Variants in FN3KRP observed in about 807,000 individuals in gnomAD.
FN3KRP encodes the protein fructosamine 3 kinase related protein.
Under a neutral mutation model 29.8 loss-of-function variants are expected in FN3KRP, and 33 were observed. That is an observed-to-expected ratio of 1.11 (90% CI 0.84 to 1.48). FN3KRP has a LOEUF of 1.48. FN3KRP is among the 40% of genes most tolerant of loss of function. The pLI, the probability that FN3KRP is intolerant of heterozygous loss-of-function variation, is 0.00. For synonymous variants in FN3KRP, 157 were observed against 155.2 expected (o/e 1.01, Z -0.09); for missense variants, 430 against 402.6 (o/e 1.07, Z -0.58).
In FN3KRP at chr17:82,722,814, T is replaced by C; in HGVS notation, c.396T>C (p.Gly132=). The C allele has an allele frequency of 6.2e-7, 1 of 1,613,732 alleles. No individual in the cohort carries two copies. The highest frequency in any genetic ancestry group is 8.5e-7 in the Non-Finnish European group (1 of 1,179,932). Residue 132 remains glycine, a synonymous_variant, in exon 4 of 6, where the codon GGT becomes GGC. Coordinates refer to ENST00000269373, the MANE Select transcript of FN3KRP (RefSeq NM_024619.4). ...ACTTTTGCTTGCAAGGGAGAGGAGG[T>C]GGGCAGGAGGAACGGCCCTTTGTGG... is the stretch of plus-strand genomic sequence containing the variant. ...LKEAGTVGRG[G]GQEERPFVAR...
At chr17:82,720,059 G>A (rs1469262247) in intron 2 of FN3KRP, among the ~76,000 whole-genome samples, 3 of 152,080 alleles carry the variant, frequency 2.0e-5, no homozygotes, top group East Asian at 1.9e-4. Context: ...CCAGCTACTC[G>A]GGAGGCTGAG....
Position 82,716,778 on chromosome 17 carries a change from A to G in FN3KRP, c.23A>G (p.Glu8Gly), listed in dbSNP as rs748958920. The G allele has an allele frequency of 5.2e-5, 80 of 1,533,100 alleles. No individual in the cohort carries two copies. The Middle Eastern group carries it at 7.2e-4, about 14-fold the overall frequency. 95.0% of individuals were successfully genotyped at this position (1,533,100 alleles called of 1,614,324 possible). A position where few individuals can be genotyped will look rare whatever the true frequency, so the allele number is the denominator to read the frequency against. MEELLRR[E>G]LGCSSVRATG... ...AACATGGAGGAGCTCCTGAGGCGCG[A>G]GCTGGGCTGCAGCTCTGTCAGGGCC... is the stretch of plus-strand genomic sequence containing the variant. The change falls in exon 1 of 6, where the codon GAG (glutamate) becomes GGG (glycine). Residue 8 changes from glutamate (E) to glycine (G), a missense_variant. Physicochemically the swap from Glu to Gly is moderately conservative, Grantham distance 98 (BLOSUM62 -2). Coordinates refer to ENST00000269373, the MANE Select transcript of FN3KRP (RefSeq NM_024619.4).
In FN3KRP at chr17:82,716,779, GCTGGGCTGCAGCTCTGTCAGGGCCAC is replaced by G; in HGVS notation, c.25_50del (p.Leu9GlyfsTer36). 1 of 1,534,046 alleles carries G rather than the reference GCTGGGCTGCAGCTCTGTCAGGGCCAC, an allele frequency of 6.5e-7. No individual in the cohort carries two copies. The highest frequency in any genetic ancestry group is 2.7e-5 in the East Asian group (1 of 37,092). ...ACATGGAGGAGCTCCTGAGGCGCGA[GCTGGGCTGCAGCTCTGTCAGGGCCAC>G]GGGCCACTCGGGGGGCGGGTGCATC... On this transcript the variant is annotated frameshift_variant, in exon 1 of 6. Transcript: ENST00000269373. LOFTEE classifies it high-confidence loss of function.
Position 82,718,925 on chromosome 17 carries a change from G to A in FN3KRP, c.161G>A (p.Gly54Asp). Reference protein sequence around the residue: ...PKAEARRMFEGEMASLTAILK... With the variant: ...PKAEARRMFEDEMASLTAILK... The stretch of plus-strand genomic sequence containing the variant: ...TGACAGGCCAGAAGAATGTTTGAAG[G>A]TGAGATGGCAAGTTTAACTGCCATC... Residue 54 changes from glycine to aspartate, a missense_variant, in exon 2 of 6, where the codon GGT becomes GAT. Coordinates refer to ENST00000269373, the MANE Select transcript of FN3KRP (RefSeq NM_024619.4). 2 of 1,614,028 alleles carry A rather than the reference G, an allele frequency of 1.2e-6. No homozygotes were observed. Among genetic ancestry groups the A allele is most frequent in the Middle Eastern group, 1.6e-4 (1 of 6,062 alleles).
intron 4 of FN3KRP, among the ~76,000 whole-genome samples, chr17:82,725,919 C>T (rs779147996): frequency 1.3e-5 from 2 of 152,148 alleles, no homozygotes; most frequent in Admixed American, 6.5e-5. Flanking sequence ...CACGCCCGCC[C>T]GTAATCCCAG....
intron 4 of FN3KRP, among the ~76,000 whole-genome samples, chr17:82,723,350 G>A (rs1047860997): frequency 6.6e-6 from 1 of 152,124 alleles, no homozygotes; most frequent in Admixed American, 6.5e-5. Context: ...CCTGGCGGGC[G>A]CGGGGGCAGT....
chr17:82,717,080 AGCGTCCGGG>A (rs1311702648), intron 1 of FN3KRP, among the ~76,000 whole-genome samples, 184 bp downstream of exon 1: 5 of 151,886 alleles, frequency 3.3e-5, no homozygotes, highest in African/African-American at 1.2e-4. Context: ...GGGCGGCGGA[AGCGTCCGGG>A]GCGTCCGGAG....
At chr17:82,719,754 C>CA (rs1331471916) in intron 2 of FN3KRP, among the ~76,000 whole-genome samples, 1 of 147,904 alleles carries the variant, frequency 6.8e-6, no homozygotes, top group African/African-American at 2.5e-5. Context: ...GACTCAGTCT[C>CA]AAAAAAGAGG....
At chr17:82,723,324 A>G (rs980319141) in intron 4 of FN3KRP, among the ~76,000 whole-genome samples, 1 of 152,112 alleles carries the variant, frequency 6.6e-6, no homozygotes, top group African/African-American at 2.4e-5. Context: ...TGAACCCAGA[A>G]AACTTGCCAG....
At chr17:82,725,573 C>T (rs986331009) in intron 4 of FN3KRP, among the ~76,000 whole-genome samples, 3 of 152,140 alleles carry the variant, frequency 2.0e-5, no homozygotes, top group Non-Finnish European at 4.4e-5. Context: ...CCTCAGCCTC[C>T]TGTGTGACTG....
chr17:82,721,843 G>T (rs2046800642), intron 3 of FN3KRP, among the ~76,000 whole-genome samples: 2 of 145,806 alleles, frequency 1.4e-5, no homozygotes, highest in African/African-American at 2.5e-5. Flanking sequence ...GTTTTGTTTT[G>T]TTTTTTTTGA....
chr17:82,724,345 C>T (rs574274615), intron 4 of FN3KRP, among the ~76,000 whole-genome samples: 1 of 152,012 alleles, frequency 6.6e-6, no homozygotes, highest in Admixed American at 6.6e-5. Context: ...GTGGCTCACG[C>T]CTGTAATCTC....
intron 4 of FN3KRP, 100 bp from the exon 5 acceptor site, chr17:82,726,380 C>T: frequency 2.0e-6 from 3 of 1,476,690 alleles, no homozygotes; most frequent in South Asian, 2.6e-5. Context: ...CCACGTGCCG[C>T]TCCTGCAGCC....
intron 4 of FN3KRP, among the ~76,000 whole-genome samples, chr17:82,724,721 C>T (rs1292957264): frequency 2.0e-5 from 3 of 152,104 alleles, no homozygotes; most frequent in South Asian, 2.1e-4. Flanking sequence ...AACCAGAGCA[C>T]GAGGGAGCAG....
At chr17:82,720,578 A>G (rs2046791916) in intron 3 of FN3KRP, among the ~76,000 whole-genome samples, 1 of 152,154 alleles carries the variant, frequency 6.6e-6, no homozygotes, top group Admixed American at 6.5e-5. Flanking sequence ...AAAGATGAAA[A>G]CATTTGCTGG....
rs2046805346 is a variant in FN3KRP at position 82,722,540 on chromosome 17, C to T, written c.386-264C>T. Reference sequence around the variant, plus strand: ...CTGTCCTGTGTGTGTCCTCTGGTGCCCCTGCTCGGGAGCAGCTAGTGTCTT... The same window carrying T: ...CTGTCCTGTGTGTGTCCTCTGGTGCTCCTGCTCGGGAGCAGCTAGTGTCTT... On this transcript the variant is annotated intron_variant, in intron 3 of 5. Coordinates refer to ENST00000269373, the MANE Select transcript of FN3KRP (RefSeq NM_024619.4). 7.0e-6 allele frequency: 3 copies of T among 427,494 alleles called. No individual in the cohort carries two copies. The South Asian group carries it at 8.8e-5, about 13-fold the overall frequency. 26.5% of individuals were successfully genotyped at this position (427,494 alleles called of 1,614,324 possible). A position where few individuals can be genotyped will look rare whatever the true frequency, so the allele number is the denominator to read the frequency against.
chr17:82,717,602 C>T (rs897172266), intron 1 of FN3KRP, among the ~76,000 whole-genome samples: 1 of 152,170 alleles, frequency 6.6e-6, no homozygotes, highest in Non-Finnish European at 1.5e-5. Context: ...GCCTGTAATC[C>T]CAGCTACTCG....
Position 82,722,790 on chromosome 17 carries a change from C to G in FN3KRP, c.386-14C>G. ...CTTGGAACTAATTTCCTTTCTTTTA[C>G]TTTTGCTTGCAAGGGAGAGGAGGTG... On this transcript the variant is annotated splice_polypyrimidine_tract_variant and intron_variant, in intron 3 of 5. Coordinates refer to ENST00000269373, the MANE Select transcript of FN3KRP (RefSeq NM_024619.4). The G allele has an allele frequency of 6.2e-7, 1 of 1,612,720 alleles. No homozygotes were observed. Among genetic ancestry groups the G allele is most frequent in the Non-Finnish European group, 8.5e-7 (1 of 1,179,494 alleles).
At position 82,720,271 on chromosome 17, in the gene FN3KRP, G is replaced by A. The variant is rs1365596530; in HGVS notation, c.294-1G>A. ...TTAGTTGCTGTCGTTTGATTTGACAGTCATGCTGCAAAGCTTGGAGCCCAG... is the reference window on the plus strand; with the variant it reads ...TTAGTTGCTGTCGTTTGATTTGACAATCATGCTGCAAAGCTTGGAGCCCAG... On this transcript the variant is annotated splice_acceptor_variant, in intron 2 of 5. Transcript: ENST00000269373. LOFTEE classifies it high-confidence loss of function. 6.2e-7 allele frequency: 1 copy of A among 1,613,550 alleles called. No individual in the cohort carries two copies. The highest frequency in any genetic ancestry group is 8.5e-7 in the Non-Finnish European group (1 of 1,179,542).
Sources: allele counts gnomAD v4.1 joint callset (sites outside exome capture counted in the v4.1 genomes callset), GRCh38; gene constraint gnomAD v4.1.1; transcripts MANE v1.5; gene names NCBI Gene and HGNC (gene_info 2026-07-23, HGNC 2026-07-21).